MDN1: variants seen among roughly 807,000 people sequenced by gnomAD.
MDN1 encodes the protein midasin.
Under a neutral mutation model 669.2 loss-of-function variants are expected in MDN1, and 266 were observed. The ratio of observed to expected loss-of-function variants is 0.40; its 90% CI spans 0.36 to 0.44. The LOEUF (loss-of-function observed/expected upper bound fraction) is 0.44. MDN1 is among the 20% of genes least tolerant of loss of function. The pLI is 1.00. For synonymous variants in MDN1, 2,385 were observed against 2,457.1 expected, an observed-to-expected ratio of 0.97 and a Z score of 0.87; for missense variants, 5,940 against 6,754.0, an observed-to-expected ratio of 0.88 and a Z score of 4.22.
At position 89,668,170 on chromosome 6, in the gene MDN1, G is replaced by A; in HGVS notation, c.13957-19C>T. 1 of 1,612,948 alleles carries A rather than the reference G, an allele frequency of 6.2e-7. No individual in the cohort carries two copies. The highest frequency in any genetic ancestry group is 1.1e-5 in the South Asian group (1 of 90,960). ...AAAATCCCTTAGAAAAAAGAAAAAG[G>A]AAGTGAACAATTAGGCACAAAAGCA... On this transcript the variant is annotated intron_variant, in intron 83 of 101. Transcript: ENST00000369393.
intron 14 of MDN1, among the ~76,000 whole-genome samples, chr6:89,772,032 T>C (rs540557148): frequency 2.0e-5 from 3 of 152,252 alleles, no homozygotes; most frequent in Admixed American, 2.0e-4. Context: ...AAATGTGCCT[T>C]TGCTCTGAAT....
rs186423288 is a variant in MDN1 at position 89,800,666 on chromosome 6, T to A, written c.329+2662A>T. On this transcript the variant is annotated intron_variant, in intron 2 of 101. Transcript: ENST00000369393. ...TTTTCCTGAGTTCTGTGAGCTATTT[T>A]AGCAAATAATCAAACCTGAAGAGGT... Among the ~76,000 whole-genome samples, 230 of 152,306 alleles carry A rather than the reference T, an allele frequency of 1.5e-3. 1 individual carries two copies. Among genetic ancestry groups the A allele is most frequent in the African/African-American group, 5.3e-3 (221 of 41,562 alleles).
In MDN1 at chr6:89,682,776, C is replaced by CAAA. The variant is rs1168971439; in HGVS notation, c.12102+353_12102+355dup. Reference sequence around the variant, plus strand: ...GCAACAAAGTGAGACCTCATCTCTACAAAAAAAAAAAAAAAAAAAAAAATA... The same window carrying CAAA: ...GCAACAAAGTGAGACCTCATCTCTACAAAAAAAAAAAAAAAAAAAAAAAAAATA... On this transcript the variant is annotated intron_variant, in intron 73 of 101. Transcript: ENST00000369393. 1.8e-3 allele frequency among the ~76,000 whole-genome samples: 62 copies of CAAA among 35,294 alleles called. 1 individual carries two copies. Among genetic ancestry groups the CAAA allele is most frequent in the Middle Eastern group, 0.023 (1 of 44 alleles). 23.2% of individuals were successfully genotyped at this position (35,294 alleles called of 152,430 possible). A position where few individuals can be genotyped will look rare whatever the true frequency, so the allele number is the denominator to read the frequency against.
At chr6:89,802,971 C>A (rs971423545) in intron 2 of MDN1, among the ~76,000 whole-genome samples, 3 of 152,146 alleles carry the variant, frequency 2.0e-5, no homozygotes, top group Non-Finnish European at 4.4e-5. Flanking sequence ...CTCTAACAAG[C>A]AAGGAATCTT....
chr6:89,686,833 C>T, intron 69 of MDN1, 69 bp downstream of exon 69: 2 of 1,578,452 alleles, frequency 1.3e-6, no homozygotes, highest in Non-Finnish European at 1.7e-6. Context: ...CAGGAAAATC[C>T]TACACTTTGC....
At chr6:89,814,384 CTTTT>C (rs35652654) in intron 1 of MDN1, among the ~76,000 whole-genome samples, 2 of 137,900 alleles carry the variant, frequency 1.5e-5, no homozygotes, top group Non-Finnish European at 1.6e-5. Context: ...AATCCCCCTC[CTTTT>C]TTTTTTTTTT....
intron 52 of MDN1, 105 bp downstream of exon 52, chr6:89,707,256 A>C (rs537195888): frequency 1.3e-6 from 1 of 781,584 alleles, no homozygotes; most frequent in East Asian, 2.6e-5. Context: ...CAGCAGATTA[A>C]AAGAAACCAG....
chr6:89,654,139 G>C lies in MDN1; in HGVS notation c.15661+25C>G, dbSNP rs780723519. On this transcript the variant is annotated intron_variant, in intron 93 of 101. Coordinates refer to ENST00000369393, the MANE Select transcript of MDN1 (RefSeq NM_014611.3). ...TACTTCAAGTCAGAGCGCCTGGGAA[G>C]GGTTTGTTCACTAGCAGGACTCACC... 5.6e-6 allele frequency: 9 copies of C among 1,613,392 alleles called. No homozygotes were observed. In the South Asian group the frequency reaches 8.8e-5, roughly 16 times the overall value.
Position 89,672,689 on chromosome 6 carries a change from C to A in MDN1, c.13488G>T (p.Leu4496Phe), listed in dbSNP as rs1429089657. The A allele has an allele frequency of 6.2e-7, 1 of 1,613,798 alleles. No homozygotes were observed. The highest frequency in any genetic ancestry group is 1.1e-5 in the South Asian group (1 of 91,046). Reference sequence around the variant, plus strand: ...AAAAATCTTCCACAAATCCTTCGTCCAACATTTGATTTCCTAGCAGGTAAC... The same window carrying A: ...AAAAATCTTCCACAAATCCTTCGTCAAACATTTGATTTCCTAGCAGGTAAC... Reference protein sequence around the residue: ...TSDSQGGNQMLDEGFVEDFSE... With the variant: ...TSDSQGGNQMFDEGFVEDFSE... Residue 4496 changes from leucine to phenylalanine, a missense_variant, in exon 81 of 102, where the codon TTG becomes TTT. By Grantham distance (22) the Leu-to-Phe change is conservative. Coordinates refer to ENST00000369393, the MANE Select transcript of MDN1 (RefSeq NM_014611.3).
chr6:89,715,538 G>A, intron 45 of MDN1, 115 bp downstream of exon 45: 1 of 716,290 alleles, frequency 1.4e-6, no homozygotes. Context: ...ATAAATGGGT[G>A]AACTTCTCCA....
chr6:89,816,411 G>A (rs766324977), intron 1 of MDN1, among the ~76,000 whole-genome samples: 9 of 124,854 alleles, frequency 7.2e-5, no homozygotes, highest in Admixed American at 4.5e-4. Context: ...GTCTAGGGGC[G>A]GGGGTGAGGA....
Position 89,718,553 on chromosome 6 carries a change from G to A in MDN1, c.6396C>T (p.Ser2132=). The stretch of plus-strand genomic sequence containing the variant: ...CTGCATCATCAGCACTGATAAGGAG[G>A]CTATCCCTTAACAGTGCCCTTACAG... The part of the protein sequence containing the change: ...EGTVRALLRD[S]LLISADDAEV... The change falls in exon 43 of 102, where the codon AGC becomes AGT. Residue 2132 remains serine, a synonymous_variant. Transcript: ENST00000369393. 6.2e-7 allele frequency: 1 copy of A among 1,614,086 alleles called. No individual in the cohort carries two copies. The highest frequency in any genetic ancestry group is 8.5e-7 in the Non-Finnish European group (1 of 1,180,004).
At chr6:89,659,039 T>C in intron 88 of MDN1, 122 bp from the exon 89 acceptor site, 1 of 1,001,002 alleles carries the variant, frequency 1.0e-6, no homozygotes, top group Non-Finnish European at 1.4e-6. Flanking sequence ...GAGTGGCAAA[T>C]TGTGACCCAC....
In MDN1 at chr6:89,725,229, C is replaced by A; in HGVS notation, c.5640G>T (p.Leu1880Phe). ...PFRQGGGRKG[L>F]PRSFLNRFTQ... ...TGAATCTGTTAAGGAAAGACCTGGGCAAGCCTTTCCTCCCACCTCCTTGTC... is the reference window on the plus strand; with the variant it reads ...TGAATCTGTTAAGGAAAGACCTGGGAAAGCCTTTCCTCCCACCTCCTTGTC... The change falls in exon 38 of 102, where the codon TTG (leucine) becomes TTT (phenylalanine). Residue 1880 changes from leucine to phenylalanine, a missense_variant. Around this residue, in one of 5 missense-constraint regions of MDN1, gnomAD observed 2,292 missense variants for 2,638.3 expected, o/e 0.87. Coordinates refer to ENST00000369393, the MANE Select transcript of MDN1 (RefSeq NM_014611.3). The A allele has an allele frequency of 6.2e-7, 1 of 1,614,034 alleles. No homozygotes were observed. Among genetic ancestry groups the A allele is most frequent in the East Asian group, 2.2e-5 (1 of 44,860 alleles).
intron 51 of MDN1, among the ~76,000 whole-genome samples, 183 bp downstream of exon 51, chr6:89,708,313 C>CA (rs746659445): frequency 1.3e-5 from 2 of 151,984 alleles, no homozygotes; most frequent in Admixed American, 1.3e-4. Flanking sequence ...AAAAGCAAAA[C>CA]AAAAAACAGA....
chr6:89,660,144 C>T (rs1809622381), intron 88 of MDN1, among the ~76,000 whole-genome samples: 1 of 152,116 alleles, frequency 6.6e-6, no homozygotes, highest in Non-Finnish European at 1.5e-5. Context: ...GCCTCAGCCT[C>T]CCAAAGTGCT....
chr6:89,646,745 C>A, intron 99 of MDN1, 142 bp from the exon 100 acceptor site: 2 of 673,266 alleles, frequency 3.0e-6, no homozygotes, highest in Middle Eastern at 2.5e-4. Flanking sequence ...ACTGTCCCTT[C>A]TGGCCGTATG....
intron 78 of MDN1, 145 bp from the exon 79 acceptor site, chr6:89,674,734 A>T: frequency 8.4e-7 from 1 of 1,195,798 alleles, no homozygotes; most frequent in South Asian, 1.7e-5. Context: ...ATAGGTAAAA[A>T]GTCTGTTAAA....
chr6:89,716,648 A>C lies in MDN1; in HGVS notation c.6743+2T>G. 6.2e-7 allele frequency: 1 copy of C among 1,609,004 alleles called. No individual in the cohort carries two copies. Among genetic ancestry groups the C allele is most frequent in the Non-Finnish European group, 8.5e-7 (1 of 1,178,474 alleles). On this transcript the variant is annotated splice_donor_variant, in intron 44 of 101. Transcript: ENST00000369393. LOFTEE classifies it high-confidence loss of function. ...ACCACTGATTAGGCATAAGGTTCTT[A>C]CTTGCAGAAGTTAACATTGTCCATC... is the stretch of plus-strand genomic sequence containing the variant.
Sources: gnomAD v4.1 joint callset for allele counts (sites outside exome capture counted in the v4.1 genomes callset) on GRCh38, gnomAD v4.1.1 for gene constraint, gnomAD v4.1.1 regional missense constraint, MANE v1.5 for transcripts, NCBI Gene and HGNC (gene_info 2026-07-23, HGNC 2026-07-21) for gene names.